DOCK8: variants seen among roughly 807,000 people sequenced by gnomAD.
DOCK8 encodes the protein dedicator of cytokinesis protein 8.
Under a neutral mutation model 245.6 loss-of-function variants are expected in DOCK8, and 141 were observed. The ratio of observed to expected loss-of-function variants is 0.57; its 90% CI spans 0.50 to 0.66. The LOEUF is 0.66. DOCK8 is among the 30% of genes least tolerant of loss of function. DOCK8 has a pLI of 0.00. For missense variants in DOCK8, 2,965 were observed against 2,603.4 expected, an observed-to-expected ratio of 1.14 and a Z score of -3.02; for synonymous variants, 1,168 against 970.2, an observed-to-expected ratio of 1.20 and a Z score of -3.79.
At position 420,476 on chromosome 9, in the gene DOCK8, A is replaced by G. The variant is rs777983119; in HGVS notation, c.3916A>G (p.Asn1306Asp). The change falls in exon 31 of 48, where the codon AAT (asparagine) becomes GAT (aspartate). Residue 1306 changes from asparagine to aspartate, a missense_variant. Physicochemically the swap from Asn to Asp is conservative, Grantham distance 23 (BLOSUM62 1). Coordinates refer to ENST00000432829, the MANE Select transcript of DOCK8 (RefSeq NM_203447.4). ...GATCTGCTTCCTCTGGATCATGAAA[A>G]ATGCTGATCAGAGCCTCATTAGGAA... ...LMICFLWIMK[N>D]ADQSLIRKWI... 2 of 1,614,114 alleles carry G rather than the reference A, an allele frequency of 1.2e-6. No homozygotes were observed. Among genetic ancestry groups the G allele is most frequent in the Admixed American group, 1.7e-5 (1 of 60,010 alleles).
rs1169455438 is a variant in DOCK8 at position 428,285 on chromosome 9, C to T, written c.4339-77C>T. ...CACTGGACATGGAACATCAGCATTA[C>T]TGAGCTAATTGTCAGGAACATCCAG... On this transcript the variant is annotated intron_variant, in intron 34 of 47. Transcript: ENST00000432829. The T allele has an allele frequency of 1.9e-6, 3 of 1,608,790 alleles. No individual in the cohort carries two copies. In the African/African-American group the frequency reaches 4.0e-5, roughly 22 times the overall value.
chr9:262,209 A>G (rs1437005839), intron 1 of DOCK8, among the ~76,000 whole-genome samples: 2 of 152,058 alleles, frequency 1.3e-5, no homozygotes, highest in African/African-American at 4.8e-5. Context: ...CATGTCTAGT[A>G]TAATGGCTAA....
chr9:336,315 G>T (rs1462484145), intron 11 of DOCK8, among the ~76,000 whole-genome samples: 1 of 152,210 alleles, frequency 6.6e-6, no homozygotes, highest in Non-Finnish European at 1.5e-5. Context: ...ACTCTTGCCG[G>T]GTGGCATTTG....
At chr9:354,060 G>A (rs1231018111) in intron 14 of DOCK8, among the ~76,000 whole-genome samples, 1 of 152,192 alleles carries the variant, frequency 6.6e-6, no homozygotes, top group Non-Finnish European at 1.5e-5. Context: ...GGCCGGGCAC[G>A]GTGGCTCACG....
chr9:261,997 GAGAA>G (rs149792134), intron 1 of DOCK8, among the ~76,000 whole-genome samples: 3,867 of 146,812 alleles, frequency 0.026, 81 homozygotes, highest in African/African-American at 0.053. Flanking sequence ...AAGAAAGAAG[GAGAA>G]AGAAAGAAAG....
In DOCK8 at chr9:319,168, G is replaced by A. The variant is rs1320843184; in HGVS notation, c.827+2040G>A. ...ACAGATGTGTTAATTTTTAGCCCTA[G>A]CTACATTGGGAGGCTGAGGTGGAAG... On this transcript the variant is annotated intron_variant, in intron 7 of 47. Transcript: ENST00000432829. 2.0e-5 allele frequency among the ~76,000 whole-genome samples: 3 copies of A among 151,694 alleles called. No homozygotes were observed. The East Asian group carries it at 5.8e-4, about 29-fold the overall frequency.
chr9:374,829 T>G (rs2053456295), intron 18 of DOCK8, among the ~76,000 whole-genome samples: 1 of 152,062 alleles, frequency 6.6e-6, no homozygotes, highest in South Asian at 2.1e-4. Flanking sequence ...TCACGTTATA[T>G]TTCCACTGGA....
intron 20 of DOCK8, 115 bp downstream of exon 20, chr9:377,326 T>C (rs1349684810): frequency 7.5e-6 from 8 of 1,066,924 alleles, no homozygotes; most frequent in African/African-American, 4.8e-5. Flanking sequence ...TTTCCACTGA[T>C]GATGTGTGCT....
At chr9:226,478 C>T (rs987927695) in intron 1 of DOCK8, among the ~76,000 whole-genome samples, 1 of 152,064 alleles carries the variant, frequency 6.6e-6, no homozygotes, top group South Asian at 2.1e-4. Context: ...GCAAGGAAAC[C>T]AGCTGGGAGG....
intron 11 of DOCK8, among the ~76,000 whole-genome samples, chr9:334,628 A>G (rs575572580): frequency 3.2e-4 from 49 of 152,318 alleles, no homozygotes; most frequent in African/African-American, 1.2e-3. Flanking sequence ...TCTAGATGGT[A>G]TGACACTTTA....
intron 14 of DOCK8, among the ~76,000 whole-genome samples, chr9:350,465 T>C (rs2052108321): frequency 3.9e-5 from 6 of 152,350 alleles, no homozygotes; most frequent in Middle Eastern, 3.4e-3. Context: ...CTGAACTAGA[T>C]TCTGCCAATG....
chr9:361,373 A>C (rs1222062594), intron 14 of DOCK8, among the ~76,000 whole-genome samples: 2 of 152,214 alleles, frequency 1.3e-5, no homozygotes, highest in South Asian at 4.1e-4. Flanking sequence ...AGAATGTTTA[A>C]AGTTGCATTT....
At chr9:385,708 A>G (rs764288088) in intron 22 of DOCK8, among the ~76,000 whole-genome samples, 2 of 152,196 alleles carry the variant, frequency 1.3e-5, no homozygotes, top group African/African-American at 2.4e-5. Flanking sequence ...TTGCCAGCAC[A>G]ACACAACTCA....
chr9:446,511 G>C lies in DOCK8; in HGVS notation c.5722G>C (p.Glu1908Gln). 1 of 1,614,230 alleles carries C rather than the reference G, an allele frequency of 6.2e-7. No homozygotes were observed. Among genetic ancestry groups the C allele is most frequent in the Non-Finnish European group, 8.5e-7 (1 of 1,180,034 alleles). ...CACCCTGGAGGGGCGGCCTCGGGGA[G>C]AGCTGCATGAGCAGTACAGAAGGAA... ...PFTLEGRPRGELHEQYRRNTV... is the reference protein window; with the variant it reads ...PFTLEGRPRGQLHEQYRRNTV... Residue 1908 changes from glutamate (E) to glutamine (Q), a missense_variant, in exon 44 of 48, where the codon GAG becomes CAG. Around this residue, in one of 3 missense-constraint regions of DOCK8, gnomAD observed 2,825 missense variants for 2,453.5 expected, o/e 1.15. Transcript: ENST00000432829.
Position 379,641 on chromosome 9 carries a change from A to G in DOCK8, c.2441-130A>G, listed in dbSNP as rs10814493. 281,679 of 1,008,208 alleles carry G rather than the reference A, an allele frequency of 0.28. 41,789 individuals carry two copies. The highest frequency in any genetic ancestry group is 0.44 in the African/African-American group (27,492 of 62,878). The allele number at this position is 1,008,208 out of a possible 1,614,324, so 62.5% of individuals were successfully genotyped here. ...CAGCATGCCAGAGCTCACCAAAACC[A>G]TCTACCCTTCCCAGGCCTAGTTAAA... On this transcript the variant is annotated intron_variant, in intron 20 of 47. Coordinates refer to ENST00000432829, the MANE Select transcript of DOCK8 (RefSeq NM_203447.4).
At chr9:427,050 A>G (rs2056530363) in intron 34 of DOCK8, 69 bp downstream of exon 34, 3 of 1,362,684 alleles carry the variant, frequency 2.2e-6, no homozygotes, top group East Asian at 2.3e-5. Flanking sequence ...GGACTTCTTT[A>G]TGCAAAATTG....
At chr9:286,330 C>T (rs916927409) in intron 2 of DOCK8, 131 bp from the exon 3 acceptor site, 29 of 994,356 alleles carry the variant, frequency 2.9e-5, no homozygotes, top group East Asian at 8.0e-5. Flanking sequence ...TCCAAAGAGT[C>T]GCTCCGTTTT....
chr9:248,524 C>CCTCTCTCTCTTTCTTTCTTTCTTT (rs1164957028), intron 1 of DOCK8, among the ~76,000 whole-genome samples: 1 of 149,720 alleles, frequency 6.7e-6, no homozygotes, highest in African/African-American at 2.5e-5. Context: ...TCCTTCCCTC[C>CCTCTCTCTCTTTCTTTCTTTCTTT]CTCTCTCTCT....
intron 1 of DOCK8, among the ~76,000 whole-genome samples, chr9:247,394 G>T (rs1197671086): frequency 6.6e-6 from 1 of 152,146 alleles, no homozygotes; most frequent in Non-Finnish European, 1.5e-5. Flanking sequence ...TTTTAACTGA[G>T]AGGGTATTTT....
Sources: allele counts gnomAD v4.1 joint callset (sites outside exome capture counted in the v4.1 genomes callset), GRCh38; gene constraint gnomAD v4.1.1; regional missense constraint gnomAD v4.1.1; transcripts MANE v1.5; gene names NCBI Gene and HGNC (gene_info 2026-07-23, HGNC 2026-07-21).